Variants in SLC35F5 observed in about 807,000 individuals in gnomAD.
The protein encoded by SLC35F5 is HCV NS5A-transactivated protein 3.
A neutral mutation model predicts 68.6 loss-of-function variants in SLC35F5; 54 were observed. The ratio of observed to expected loss-of-function variants is 0.79; its 90% CI spans 0.63 to 0.99. The LOEUF is 0.99. SLC35F5 is among the 50% of genes least tolerant of loss of function. The pLI is 0.00. For missense variants in SLC35F5, 567 were observed against 626.9 expected, an observed-to-expected ratio of 0.90 and a Z score of 1.02; for synonymous variants, 211 against 205.2, an observed-to-expected ratio of 1.03 and a Z score of -0.24.
chr2:113,725,534 A>G lies in SLC35F5; in HGVS notation c.1094T>C (p.Phe365Ser). 1 of 1,575,298 alleles carries G rather than the reference A, an allele frequency of 6.3e-7. No individual in the cohort carries two copies. Among genetic ancestry groups the G allele is most frequent in the Non-Finnish European group, 8.5e-7 (1 of 1,169,946 alleles). Reference protein sequence around the residue: ...DKLDIPMFFGFVGLFNLLLLW... With the variant: ...DKLDIPMFFGSVGLFNLLLLW... The stretch of plus-strand genomic sequence containing the variant: ...GAGCAGCAGATTAAACAAACCTACA[A>G]AACCTGAACATGTATAAAAGAGACA... Residue 365 changes from phenylalanine to serine, a missense_variant, in exon 12 of 16, where the codon TTT becomes TCT. By Grantham distance (155) the Phe-to-Ser change is radical (BLOSUM62 -2). Transcript: ENST00000245680.
intron 1 of SLC35F5, 38 bp downstream of exon 1, chr2:113,756,332 G>A: frequency 6.4e-7 from 1 of 1,558,900 alleles, no homozygotes; most frequent in Non-Finnish European, 8.7e-7. Context: ...TCCCGGTTTG[G>A]GCTCCGGTGA....
At chr2:113,732,065 T>C (rs1368514841) in intron 9 of SLC35F5, among the ~76,000 whole-genome samples, 1 of 152,184 alleles carries the variant, frequency 6.6e-6, no homozygotes, top group African/African-American at 2.4e-5. Context: ...TGTCATCCCT[T>C]TCCAATCTTT....
chr2:113,756,167 G>A, intron 1 of SLC35F5: 1 of 1,454,960 alleles, frequency 6.9e-7, no homozygotes, highest in Non-Finnish European at 9.0e-7. Context: ...AGGCGAGGGC[G>A]CACGCACGGC....
chr2:113,704,712 C>A (rs924277213), downstream of SLC35F5, among the ~76,000 whole-genome samples: 1 of 151,964 alleles, frequency 6.6e-6, no homozygotes, highest in African/African-American at 2.4e-5. Context: ...CGGGGCCCGC[C>A]GAGCCCACAC....
intron 4 of SLC35F5, among the ~76,000 whole-genome samples, chr2:113,749,067 G>T (rs1366185992): frequency 6.6e-6 from 1 of 152,230 alleles, no homozygotes; most frequent in Non-Finnish European, 1.5e-5. Flanking sequence ...CTCCCAAAGT[G>T]CTGGGATAAG....
intron 11 of SLC35F5, among the ~76,000 whole-genome samples, chr2:113,726,820 G>A (rs997667813): frequency 1.3e-5 from 2 of 152,064 alleles, no homozygotes; most frequent in Non-Finnish European, 2.9e-5. Flanking sequence ...CAATGAATTG[G>A]GCCAAACCTC....
intron 3 of SLC35F5, among the ~76,000 whole-genome samples, chr2:113,754,154 G>C (rs1559369278): frequency 6.6e-6 from 1 of 151,998 alleles, no homozygotes; most frequent in African/African-American, 2.4e-5. Flanking sequence ...GCCTGGCGTG[G>C]TGGGGTGTGC....
chr2:113,716,852 A>G (rs1205571713), intron 15 of SLC35F5, among the ~76,000 whole-genome samples: 1 of 152,222 alleles, frequency 6.6e-6, no homozygotes, highest in Non-Finnish European at 1.5e-5. Flanking sequence ...AAAGAAAAAC[A>G]GAAAACCAGG....
At chr2:113,750,184 GA>G (rs1676677147) in intron 4 of SLC35F5, among the ~76,000 whole-genome samples, 1 of 152,038 alleles carries the variant, frequency 6.6e-6, no homozygotes, top group African/African-American at 2.4e-5. Context: ...GCTAATTCAA[GA>G]ATTTTTAACA....
Position 113,713,466 on chromosome 2 carries a change from G to A in SLC35F5, c.*1752C>T, listed in dbSNP as rs1355575179. ...TCCACTACTTCAACGATTTTACCCTGTAAATTGCTGAAGGTCTTTGTGAAC... is the reference window on the plus strand; with the variant it reads ...TCCACTACTTCAACGATTTTACCCTATAAATTGCTGAAGGTCTTTGTGAAC... On this transcript the variant is annotated 3_prime_UTR_variant, in exon 16 of 16. Transcript: ENST00000245680. The A allele has an allele frequency of 6.6e-6, 1 of 152,136 alleles. No individual in the cohort carries two copies. Among genetic ancestry groups the A allele is most frequent in the Non-Finnish European group, 1.5e-5 (1 of 68,010 alleles). The allele number at this position is 152,136 out of a possible 1,614,324, so 9.4% of individuals were successfully genotyped here.
At position 113,722,002 on chromosome 2, in the gene SLC35F5, T is replaced by C. The variant is rs1294465290; in HGVS notation, c.1341+1102A>G. Among the ~76,000 whole-genome samples the C allele has an allele frequency of 1.3e-4, 17 of 131,128 alleles. No homozygotes were observed. The East Asian group carries it at 3.6e-3, about 28-fold the overall frequency. The allele number at this position is 131,128 out of a possible 152,430, so 86.0% of individuals were successfully genotyped here. A position where few individuals can be genotyped will look rare whatever the true frequency, so the allele number is the denominator to read the frequency against. On this transcript the variant is annotated intron_variant, in intron 13 of 15. Transcript: ENST00000245680. ...TTTTTTTTTTTTTTTTGAGATGGAG[T>C]CTTGTTCTGTTGCCCAGGCTGGAGC...
In SLC35F5 at chr2:113,709,819, T is replaced by C. The variant is rs1253386611; in HGVS notation, c.*5399A>G. Among the ~76,000 whole-genome samples, 3 of 152,172 alleles carry C rather than the reference T, an allele frequency of 2.0e-5. No homozygotes were observed. The highest frequency in any genetic ancestry group is 7.2e-5 in the African/African-American group (3 of 41,450). ...CCCCCAGCAATCAAGTTTTTGGTTT[T>C]GTTTTTTTAACAGACAGGGTCTCAC... On this transcript the variant is annotated 3_prime_UTR_variant, in exon 16 of 16. Coordinates refer to ENST00000245680, the MANE Select transcript of SLC35F5 (RefSeq NM_025181.5).
At chr2:113,721,172 T>C (rs886365446) in intron 13 of SLC35F5, 2 of 151,956 alleles carry the variant, frequency 1.3e-5, no homozygotes, top group South Asian at 2.1e-4. Context: ...AAAAACCCTA[T>C]AAAAGTAGAT....
chr2:113,716,929 A>G (rs1419904474), intron 15 of SLC35F5, among the ~76,000 whole-genome samples: 2 of 152,262 alleles, frequency 1.3e-5, no homozygotes, highest in African/African-American at 2.4e-5. Flanking sequence ...CAAGCCTAAT[A>G]TAAGTGTTAA....
At chr2:113,738,879 C>T (rs1032870461) in intron 7 of SLC35F5, among the ~76,000 whole-genome samples, 3 of 152,144 alleles carry the variant, frequency 2.0e-5, no homozygotes, top group African/African-American at 7.2e-5. Context: ...TGTAAACTAT[C>T]TCATCAATAA....
downstream of SLC35F5, chr2:113,704,117 G>C (rs1255184873): frequency 1.3e-5 from 2 of 152,302 alleles, no homozygotes; most frequent in Admixed American, 6.5e-5. Context: ...AAGATTTATT[G>C]CAAAAAGCGA....
At chr2:113,706,513 G>A (rs558165083), downstream of SLC35F5, among the ~76,000 whole-genome samples, 1 of 152,294 alleles carries the variant, frequency 6.6e-6, no homozygotes, top group East Asian at 1.9e-4. Flanking sequence ...ATCATGAGAT[G>A]GAATGTAGGT....
In SLC35F5 at chr2:113,743,871, G is replaced by A. The variant is rs116205633; in HGVS notation, c.481-77C>T. 1.4e-4 allele frequency: 169 copies of A among 1,179,972 alleles called. No homozygotes were observed. The African/African-American group carries it at 2.0e-3, about 14-fold the overall frequency. 73.1% of individuals were successfully genotyped at this position (1,179,972 alleles called of 1,614,324 possible). Reference sequence around the variant, plus strand: ...TGGTTAAAATTTAAATGGATAGTACGTAGACACAAATACCATCTAAAACGT... The same window carrying A: ...TGGTTAAAATTTAAATGGATAGTACATAGACACAAATACCATCTAAAACGT... On this transcript the variant is annotated intron_variant, in intron 5 of 15. Transcript: ENST00000245680.
At chr2:113,723,713 A>C (rs1174098218) in intron 12 of SLC35F5, among the ~76,000 whole-genome samples, 1 of 152,192 alleles carries the variant, frequency 6.6e-6, no homozygotes, top group Non-Finnish European at 1.5e-5. Context: ...GAAAGACTTG[A>C]ATATTCTTAA....
Sources: gnomAD v4.1 joint callset for allele counts (sites outside exome capture counted in the v4.1 genomes callset) on GRCh38, gnomAD v4.1.1 for gene constraint, MANE v1.5 for transcripts, NCBI Gene and HGNC (gene_info 2026-07-23, HGNC 2026-07-21) for gene names.